CSMD2: variants seen among roughly 807,000 people sequenced by gnomAD.
The protein encoded by CSMD2 is CUB and sushi domain-containing protein 2.
CSMD2 carries 130 observed loss-of-function variants against 398.5 expected under a neutral mutation model. That is an observed-to-expected ratio of 0.33 (90% CI 0.28 to 0.38). The LOEUF (loss-of-function observed/expected upper bound fraction) is 0.38, where lower values mean the gene tolerates loss of function less well. Among genes scored for constraint, CSMD2 ranks in the 10% least tolerant of loss-of-function variants. CSMD2 has a pLI of 1.00. For missense variants in CSMD2, 3,829 were observed against 4,764.9 expected (o/e 0.80, Z 5.78); for synonymous variants, 1,828 against 1,908.5 (o/e 0.96, Z 1.10).
chr1:33,723,024 T>A (rs1426316681), intron 19 of CSMD2, among the ~76,000 whole-genome samples: 5 of 152,220 alleles, frequency 3.3e-5, no homozygotes, highest in African/African-American at 1.2e-4. Context: ...TATACTAAAG[T>A]CTGTCTCTTT....
In CSMD2 at chr1:33,859,642, A is replaced by C. The variant is rs151302251; in HGVS notation, c.921-12646T>G. Reference sequence around the variant, plus strand: ...TGCAGATGCCTTGTTCAGAGGGTAAATGCAACCAGTGAGTCCCACTCCACA... The same window carrying C: ...TGCAGATGCCTTGTTCAGAGGGTAACTGCAACCAGTGAGTCCCACTCCACA... On this transcript the variant is annotated intron_variant, in intron 5 of 70. Transcript: ENST00000373381. Among the ~76,000 whole-genome samples the C allele has an allele frequency of 1.2e-4, 19 of 152,314 alleles. No homozygotes were observed. The East Asian group carries it at 3.5e-3, about 28-fold the overall frequency.
At chr1:33,709,590 T>C (rs1398984358) in intron 21 of CSMD2, 4 of 403,066 alleles carry the variant, frequency 9.9e-6, no homozygotes, top group Non-Finnish European at 1.8e-5. Context: ...CCTATTCATA[T>C]AGTAGCGTAG....
intron 3 of CSMD2, among the ~76,000 whole-genome samples, chr1:33,965,919 T>G (rs140687527): frequency 8.3e-4 from 126 of 152,298 alleles, no homozygotes; most frequent in Non-Finnish European, 1.4e-3. Flanking sequence ...GCAGAGTCCC[T>G]TCTCAGGGAA....
chr1:33,775,160 T>C (rs1199996661), intron 12 of CSMD2, among the ~76,000 whole-genome samples: 3 of 152,218 alleles, frequency 2.0e-5, no homozygotes, highest in Non-Finnish European at 4.4e-5. Context: ...CTTAGTGCGA[T>C]ATTTTTTTCT....
At chr1:34,094,949 A>G (rs1173732920) in intron 1 of CSMD2, among the ~76,000 whole-genome samples, 22 of 145,468 alleles carry the variant, frequency 1.5e-4, no homozygotes, top group Non-Finnish European at 2.4e-4. Flanking sequence ...AAATCAACAG[A>G]ATATACATTT....
intron 66 of CSMD2, among the ~76,000 whole-genome samples, chr1:33,524,419 T>C (rs1042802733): frequency 6.6e-6 from 1 of 152,214 alleles, no homozygotes; most frequent in Non-Finnish European, 1.5e-5. Flanking sequence ...CCCAGAATGG[T>C]ACCATTTTAG....
chr1:34,138,273 A>T (rs1638947051), intron 1 of CSMD2, among the ~76,000 whole-genome samples: 1 of 152,214 alleles, frequency 6.6e-6, no homozygotes, highest in Non-Finnish European at 1.5e-5. Context: ...TTGGAACTGT[A>T]CGATTTCCTC....
At chr1:33,963,056 TGA>T (rs2125401279) in intron 3 of CSMD2, among the ~76,000 whole-genome samples, 1 of 152,338 alleles carries the variant, frequency 6.6e-6, no homozygotes, top group African/African-American at 2.4e-5. Context: ...GTCACCTGCC[TGA>T]GAGTGCAGAT....
intron 12 of CSMD2, among the ~76,000 whole-genome samples, chr1:33,773,493 G>C (rs187780629): frequency 1.3e-5 from 2 of 152,348 alleles, no homozygotes; most frequent in African/African-American, 4.8e-5. Context: ...CCTGAACCCA[G>C]TGGGCATGAT....
At chr1:33,753,103 T>C (rs951179358) in intron 13 of CSMD2, among the ~76,000 whole-genome samples, 5 of 152,176 alleles carry the variant, frequency 3.3e-5, no homozygotes, top group African/African-American at 1.2e-4. Flanking sequence ...CCTGACCCTG[T>C]GGTAAAGAAA....
intron 3 of CSMD2, among the ~76,000 whole-genome samples, chr1:33,979,938 G>T (rs1230542371): frequency 6.6e-6 from 1 of 152,156 alleles, no homozygotes; most frequent in Non-Finnish European, 1.5e-5. Context: ...TGTTATTTTT[G>T]GGGGTTTTAG....
intron 6 of CSMD2, among the ~76,000 whole-genome samples, chr1:33,842,025 CT>C (rs893409437): frequency 6.6e-6 from 1 of 152,190 alleles, no homozygotes; most frequent in African/African-American, 2.4e-5. Context: ...ACTAGATAGT[CT>C]CCCAATCCCT....
intron 4 of CSMD2, among the ~76,000 whole-genome samples, chr1:33,930,889 CT>C (rs1271058291): frequency 6.6e-6 from 1 of 152,218 alleles, no homozygotes; most frequent in African/African-American, 2.4e-5. Flanking sequence ...TGGCTCCCCC[CT>C]ATTCCCAGCT....
intron 25 of CSMD2, among the ~76,000 whole-genome samples, chr1:33,680,681 C>T (rs373076804): frequency 6.6e-6 from 1 of 152,020 alleles, no homozygotes; most frequent in Non-Finnish European, 1.5e-5. Flanking sequence ...TGCCTCCTCT[C>T]CCCCCATTCT....
Position 33,739,191 on chromosome 1 carries a change from C to A in CSMD2, c.2317G>T (p.Val773Phe). 6.2e-7 allele frequency: 1 copy of A among 1,614,150 alleles called. No individual in the cohort carries two copies. The highest frequency in any genetic ancestry group is 8.5e-7 in the Non-Finnish European group (1 of 1,180,016). ...CAGACCACGCTGCCCTCCTTCAGGA[C>A]GCAGGTGATGGTCTCTGAGCCCTGA... ...GTQGSETITC[V>F]LKEGSVVWNS... Residue 773 changes from valine to phenylalanine, a missense_variant, in exon 15 of 71, where the codon GTC becomes TTC. Around this residue, in one of 5 missense-constraint regions of CSMD2, gnomAD observed 2,001 missense variants for 2,567.1 expected, o/e 0.78. Coordinates refer to ENST00000373381, the MANE Select transcript of CSMD2 (RefSeq NM_001281956.2).
At chr1:33,739,085 C>T (rs547320467) in intron 15 of CSMD2, 55 bp downstream of exon 15, 75 of 1,544,814 alleles carry the variant, frequency 4.9e-5, no homozygotes, top group Non-Finnish European at 6.5e-5. Context: ...CTTGCTCCCC[C>T]TCCCCAGCCT....
At chr1:33,895,719 G>C (rs1054187866) in intron 5 of CSMD2, among the ~76,000 whole-genome samples, 2 of 152,188 alleles carry the variant, frequency 1.3e-5, no homozygotes, top group African/African-American at 4.8e-5. Context: ...AAGGCTGAGA[G>C]GGGGATGCCG....
At chr1:33,783,467 CTCTCTCT>C (rs1468017682) in intron 12 of CSMD2, among the ~76,000 whole-genome samples, 3 of 137,006 alleles carry the variant, frequency 2.2e-5, no homozygotes. Flanking sequence ...CTCTCTCTCT[CTCTCTCT>C]CCTGTGTGTG....
rs1190261312 is a variant in CSMD2 at position 34,034,243 on chromosome 1, A to G, written c.405-1537T>C. Among the ~76,000 whole-genome samples the G allele has an allele frequency of 2.0e-5, 3 of 152,030 alleles. No individual in the cohort carries two copies. In the East Asian group the frequency reaches 5.8e-4, roughly 29 times the overall value. ...GAGCTGTCCATGGCATGGAGTTCTG[A>G]TGGTACTCCACCTACCCACTAGCCA... is the stretch of plus-strand genomic sequence containing the variant. On this transcript the variant is annotated intron_variant, in intron 2 of 70. Coordinates refer to ENST00000373381, the MANE Select transcript of CSMD2 (RefSeq NM_001281956.2).
Sources: gnomAD v4.1 joint callset for allele counts (sites outside exome capture counted in the v4.1 genomes callset) on GRCh38, gnomAD v4.1.1 for gene constraint, gnomAD v4.1.1 regional missense constraint, MANE v1.5 for transcripts, NCBI Gene and HGNC (gene_info 2026-07-23, HGNC 2026-07-21) for gene names.